The following TVP23A variants were observed in gnomAD, a reference collection of about 807,000 sequenced individuals.
The protein encoded by TVP23A is trans-golgi network vesicle protein 23 homolog A.
TVP23A carries 21 observed loss-of-function variants against 31.7 expected under a neutral mutation model. The ratio of observed to expected loss-of-function variants is 0.66; its 90% CI spans 0.47 to 0.95. TVP23A has a LOEUF of 0.95. Ranked by LOEUF, TVP23A falls within the 40% of genes least tolerant of loss-of-function variation. The pLI, the probability that TVP23A is intolerant of heterozygous loss-of-function variation, is 0.00. For synonymous variants in TVP23A, 104 were observed against 96.0 expected (o/e 1.08, Z -0.49); for missense variants, 279 against 255.6 (o/e 1.09, Z -0.62).
chr16:10,809,313 G>A (rs2034088780), intron 2 of TVP23A, among the ~76,000 whole-genome samples: 1 of 152,112 alleles, frequency 6.6e-6, no homozygotes, highest in African/African-American at 2.4e-5. Context: ...CTGGGCTGAT[G>A]GGGGCCTGCC....
At position 10,767,964 on chromosome 16, in the gene TVP23A, A is replaced by G. The variant is rs748308255; in HGVS notation, c.*1138T>C. On this transcript the variant is annotated 3_prime_UTR_variant, in exon 8 of 8. Transcript: ENST00000299866. The surrounding 1 kb of genome is among the most constrained non-coding windows in gnomAD (Gnocchi z 4.6). The stretch of plus-strand genomic sequence containing the variant: ...CTTTTTTAAGGTAAGAATTGTGACA[A>G]AGGCCAGTCTTTTTTCATTGACGCC... The G allele has an allele frequency of 3.1e-6, 5 of 1,614,100 alleles. No homozygotes were observed. Among genetic ancestry groups the G allele is most frequent in the South Asian group, 1.1e-5 (1 of 91,074 alleles).
chr16:10,760,070 A>T (rs1007780118), downstream of TVP23A, among the ~76,000 whole-genome samples: 2 of 152,272 alleles, frequency 1.3e-5, no homozygotes, highest in African/African-American at 2.4e-5. Flanking sequence ...CAGTAATCAC[A>T]TTGGAAAAAC....
rs2030967492 is a variant in TVP23A at position 10,766,915 on chromosome 16, G to A, written c.*2187C>T. ...TGGCTCAAGTGCGAATTGGCCTTATGTTCCCTGCCTCTGGACCCTATTTTC... is the reference window on the plus strand; with the variant it reads ...TGGCTCAAGTGCGAATTGGCCTTATATTCCCTGCCTCTGGACCCTATTTTC... On this transcript the variant is annotated 3_prime_UTR_variant, in exon 8 of 8. Coordinates refer to ENST00000299866, the MANE Select transcript of TVP23A (RefSeq NM_001079512.4). This position sits in a 1 kb window ranked among gnomAD's most constrained non-coding sequence, Gnocchi z 4.8. 2 of 398,506 alleles carry A rather than the reference G, an allele frequency of 5.0e-6. No homozygotes were observed. Among genetic ancestry groups the A allele is most frequent in the Admixed American group, 8.8e-5 (2 of 22,712 alleles). The allele number at this position is 398,506 out of a possible 1,614,324, so 24.7% of individuals were successfully genotyped here.
intron 7 of TVP23A, 94 bp downstream of exon 7, chr16:10,770,178 A>G: frequency 2.0e-6 from 3 of 1,469,730 alleles, no homozygotes; most frequent in Middle Eastern, 2.4e-4. Context: ...GGAACAGGGG[A>G]AGCCCACCCA....
intron 2 of TVP23A, among the ~76,000 whole-genome samples, chr16:10,799,497 C>G (rs1436821404): frequency 3.3e-5 from 5 of 152,174 alleles, no homozygotes; most frequent in Admixed American, 2.6e-4. Context: ...CCACGCCTGA[C>G]TAATTTTTGT....
intron 2 of TVP23A, chr16:10,800,163 C>T (rs1189810730): frequency 6.6e-6 from 1 of 151,900 alleles, no homozygotes; most frequent in African/African-American, 2.4e-5. Flanking sequence ...ACTCCTGGGC[C>T]AAGCCTGCCT....
In TVP23A at chr16:10,777,734, G is replaced by A. The variant is rs1019945582; in HGVS notation, c.90-2638C>T. Among the ~76,000 whole-genome samples the A allele has an allele frequency of 2.6e-5, 4 of 152,176 alleles. No individual in the cohort carries two copies. The highest frequency in any genetic ancestry group is 6.5e-5 in the Admixed American group (1 of 15,268). ...TTTAAGAATTAGACAGGATCAAGCC[G>A]GGCGTGGTGGCTCACGCCTGTAATC... is the stretch of plus-strand genomic sequence containing the variant. On this transcript the variant is annotated intron_variant, in intron 2 of 7. Transcript: ENST00000299866. The surrounding 1 kb of genome is among the most constrained non-coding windows in gnomAD (Gnocchi z 4.5).
At chr16:10,787,176 CAG>C (rs2032811355) in intron 2 of TVP23A, among the ~76,000 whole-genome samples, 1 of 152,194 alleles carries the variant, frequency 6.6e-6, no homozygotes, top group Admixed American at 6.5e-5. Context: ...GCTGGGTATG[CAG>C]TCCTGGACAA....
At chr16:10,761,692 A>C (rs1596465044), downstream of TVP23A, 1 of 1,277,578 alleles carries the variant, frequency 7.8e-7, no homozygotes, top group East Asian at 2.3e-5. Flanking sequence ...TTTCTTTAAA[A>C]TGTGGTCCAT....
At chr16:10,775,246 G>A in intron 2 of TVP23A, 150 bp from the exon 3 acceptor site, 14 of 1,450,666 alleles carry the variant, frequency 9.7e-6, no homozygotes, top group Non-Finnish European at 1.3e-5. Flanking sequence ...TCAGGCTGTA[G>A]CCCTGGGGAC....
At chr16:10,812,030 A>C (rs900383082) in intron 2 of TVP23A, among the ~76,000 whole-genome samples, 3 of 152,150 alleles carry the variant, frequency 2.0e-5, no homozygotes, top group Non-Finnish European at 4.4e-5. Context: ...GAAAATATTA[A>C]TATACAGAAT....
In TVP23A at chr16:10,777,005, C is replaced by T. The variant is rs542614319; in HGVS notation, c.90-1909G>A. On this transcript the variant is annotated intron_variant, in intron 2 of 7. Coordinates refer to ENST00000299866, the MANE Select transcript of TVP23A (RefSeq NM_001079512.4). The surrounding 1 kb of genome is among the most constrained non-coding windows in gnomAD (Gnocchi z 4.5). ...AGGTCTTTATGACCTGTATCCTGTG[C>T]GACCTCCTATCTCATCCTGTGACTT... Among the ~76,000 whole-genome samples the T allele has an allele frequency of 1.5e-4, 23 of 152,244 alleles. No individual in the cohort carries two copies. Among genetic ancestry groups the T allele is most frequent in the South Asian group, 4.2e-4 (2 of 4,818 alleles).
At chr16:10,774,662 G>C (rs1156372291) in intron 3 of TVP23A, among the ~76,000 whole-genome samples, 5 of 148,486 alleles carry the variant, frequency 3.4e-5, no homozygotes, top group Non-Finnish European at 7.4e-5. Flanking sequence ...CCAGGCTGGA[G>C]TGCAATGGCA....
downstream of TVP23A, among the ~76,000 whole-genome samples, chr16:10,762,279 G>A (rs1035622701): frequency 6.6e-6 from 1 of 152,194 alleles, no homozygotes; most frequent in Non-Finnish European, 1.5e-5. Context: ...CACAGATGAG[G>A]CCCCTTTGTC....
downstream of TVP23A, chr16:10,763,842 A>G (rs539676667): frequency 1.2e-4 from 19 of 158,370 alleles, no homozygotes; most frequent in Non-Finnish European, 2.5e-4. Context: ...CCGAAAGAGC[A>G]TCACGGCCCA....
chr16:10,791,073 C>T (rs898404752), intron 2 of TVP23A, among the ~76,000 whole-genome samples: 1 of 152,102 alleles, frequency 6.6e-6, no homozygotes, highest in Non-Finnish European at 1.5e-5. Flanking sequence ...TTTTGGTTTA[C>T]AGGCTTCTGG....
At chr16:10,784,458 T>C (rs1471759808) in intron 2 of TVP23A, among the ~76,000 whole-genome samples, 1 of 141,008 alleles carries the variant, frequency 7.1e-6, no homozygotes, top group Non-Finnish European at 1.5e-5. Context: ...CTACTTGGAG[T>C]GCTAAGGTGG....
chr16:10,799,487 C>T (rs548155353), intron 2 of TVP23A, among the ~76,000 whole-genome samples: 5 of 152,318 alleles, frequency 3.3e-5, no homozygotes, highest in Admixed American at 2.6e-4. Context: ...GTGCCTACTA[C>T]CACGCCTGAC....
downstream of TVP23A, chr16:10,757,833 A>G (rs1222272031): frequency 6.3e-7 from 1 of 1,595,002 alleles, no homozygotes; most frequent in African/African-American, 1.3e-5. The surrounding 1 kb of genome is among the most constrained non-coding windows in gnomAD (Gnocchi z 4.1). Flanking sequence ...TACAGAAAAG[A>G]AAGGAAAAGT....
Sources: gnomAD v4.1 joint callset for allele counts (sites outside exome capture counted in the v4.1 genomes callset) on GRCh38, gnomAD v4.1.1 for gene constraint, Gnocchi (gnomAD v3.1) non-coding constraint, MANE v1.5 for transcripts, NCBI Gene and HGNC (gene_info 2026-07-23, HGNC 2026-07-21) for gene names.